RSPH14: variants seen among roughly 807,000 people sequenced by gnomAD.
RSPH14 encodes the protein radial spoke head 14 homolog.
Under a neutral mutation model 26.7 loss-of-function variants are expected in RSPH14, and 20 were observed. That is an observed-to-expected ratio of 0.75 (90% CI 0.53 to 1.09). The LOEUF is 1.09. RSPH14 is among the 50% of genes least tolerant of loss of function. RSPH14 has a pLI of 0.00. For missense variants in RSPH14, 449 were observed against 457.2 expected (o/e 0.98, Z 0.16); for synonymous variants, 177 against 189.3 (o/e 0.93, Z 0.53).
chr22:23,092,586 C>T (rs1199731007), intron 4 of RSPH14, among the ~76,000 whole-genome samples: 1 of 152,202 alleles, frequency 6.6e-6, no homozygotes, highest in Non-Finnish European at 1.5e-5. Flanking sequence ...GCCTCAGTTT[C>T]CCCTTTCCTT....
intron 4 of RSPH14, among the ~76,000 whole-genome samples, chr22:23,080,254 C>T (rs146681443): frequency 2.0e-5 from 3 of 152,334 alleles, no homozygotes; most frequent in African/African-American, 4.8e-5. Flanking sequence ...ACACTATCAC[C>T]CTTTGTCTGG....
chr22:23,152,634 C>A, the RSPH14 span: 1 of 1,109,468 alleles, frequency 9.0e-7, no homozygotes, highest in Non-Finnish European at 1.4e-6. Context: ...ATGTGGCTTC[C>A]AGGAACTGCT....
intron 3 of RSPH14, chr22:23,136,039 C>T (rs918171953): frequency 3.2e-5 from 11 of 342,206 alleles, no homozygotes; most frequent in Admixed American, 1.9e-4. Flanking sequence ...TGTTTTGAAT[C>T]GTCTGGAAAA....
chr22:23,154,979 G>A, the RSPH14 span, among the ~76,000 whole-genome samples: 1 of 152,224 alleles, frequency 6.6e-6, no homozygotes, highest in Admixed American at 6.5e-5. Context: ...TACAAAATTA[G>A]CCAGGCACAG....
Position 23,136,379 on chromosome 22 carries a change from G to C in RSPH14, c.303-2235C>G, listed in dbSNP as rs2070485009. 25 of 645,336 alleles carry C rather than the reference G, an allele frequency of 3.9e-5. 2 individuals carry two copies. In the South Asian group the frequency reaches 4.0e-4, roughly 10 times the overall value. 40.0% of individuals were successfully genotyped at this position (645,336 alleles called of 1,614,324 possible). Reference sequence around the variant, plus strand: ...CTGGGCAGTTCAGGGCAGCTACTTAGAGCTTGATGGGCTCTGAAAGCTATT... The same window carrying C: ...CTGGGCAGTTCAGGGCAGCTACTTACAGCTTGATGGGCTCTGAAAGCTATT... On this transcript the variant is annotated intron_variant, in intron 3 of 6. Coordinates refer to ENST00000216036, the MANE Select transcript of RSPH14 (RefSeq NM_014433.3).
chr22:23,060,241 GC>G (rs1569150745), intron 6 of RSPH14, among the ~76,000 whole-genome samples: 6 of 152,046 alleles, frequency 3.9e-5, no homozygotes, highest in Non-Finnish European at 8.8e-5. Context: ...GGAGGCCGAG[GC>G]TGGTGGATCA....
Position 23,099,502 on chromosome 22 carries a change from C to T in RSPH14, c.421+34524G>A, listed in dbSNP as rs181908039. ...CAGCAACACAAGGGGGTTTTTCTGG[C>T]GCACCTGTCCCCTGAATGATCCTGT... On this transcript the variant is annotated intron_variant, in intron 4 of 6. Coordinates refer to ENST00000216036, the MANE Select transcript of RSPH14 (RefSeq NM_014433.3). Among the ~76,000 whole-genome samples, 230 of 152,360 alleles carry T rather than the reference C, an allele frequency of 1.5e-3. 1 individual carries two copies. The highest frequency in any genetic ancestry group is 3.8e-3 in the African/African-American group (160 of 41,584).
the RSPH14 span, among the ~76,000 whole-genome samples, chr22:23,166,301 G>A: frequency 6.7e-6 from 1 of 149,500 alleles, no homozygotes; most frequent in Admixed American, 6.7e-5. Flanking sequence ...GAGTCAGTGT[G>A]GGAGGGGATT....
At chr22:23,174,635 C>T in the RSPH14 span, among the ~76,000 whole-genome samples, 3 of 151,256 alleles carry the variant, frequency 2.0e-5, no homozygotes, top group Admixed American at 6.6e-5. Context: ...ACTCCTTATG[C>T]GCAGTTTATG....
the RSPH14 span, chr22:23,156,048 C>T: frequency 3.7e-4 from 596 of 1,606,894 alleles, 4 homozygotes; most frequent in Middle Eastern, 0.012. Flanking sequence ...CAACATGCCA[C>T]GTCGGGGCTC....
chr22:23,121,790 C>T (rs181290380), intron 4 of RSPH14, among the ~76,000 whole-genome samples: 32 of 149,420 alleles, frequency 2.1e-4, no homozygotes, highest in African/African-American at 7.2e-4. Context: ...GGCATGATCT[C>T]GGCTCACTGC....
At chr22:23,103,902 C>T (rs2069379229) in intron 4 of RSPH14, among the ~76,000 whole-genome samples, 1 of 152,208 alleles carries the variant, frequency 6.6e-6, no homozygotes, top group Non-Finnish European at 1.5e-5. Context: ...ATGCTGGCCG[C>T]ATGCTCTCTG....
intron 4 of RSPH14, among the ~76,000 whole-genome samples, chr22:23,116,051 A>C (rs2069824269): frequency 6.6e-6 from 1 of 152,228 alleles, no homozygotes; most frequent in South Asian, 2.1e-4. Context: ...GCAAACAACA[A>C]AACAGTCAAA....
chr22:23,091,976 G>A (rs1207495807), intron 4 of RSPH14, among the ~76,000 whole-genome samples: 2 of 152,072 alleles, frequency 1.3e-5, no homozygotes, highest in Non-Finnish European at 2.9e-5. Context: ...GGGCCTTACA[G>A]CATGTTCCTC....
upstream of RSPH14, chr22:23,144,850 A>G (rs2070686641): frequency 6.5e-6 from 1 of 153,674 alleles, no homozygotes; most frequent in Admixed American, 6.5e-5. Flanking sequence ...CGGACTTCGA[A>G]GCTGGTTCCA....
chr22:23,152,562 C>T, the RSPH14 span: 3 of 1,597,396 alleles, frequency 1.9e-6, no homozygotes, highest in Non-Finnish European at 2.6e-6. Flanking sequence ...GCCACCTCCC[C>T]CAGCACCAGG....
Position 23,140,252 on chromosome 22 carries a change from G to A in RSPH14, c.169C>T (p.Pro57Ser). The change falls in exon 2 of 7, where the codon CCC (proline) becomes TCC (serine). Residue 57 changes from proline to serine, a missense_variant. By Grantham distance (74) the Pro-to-Ser change is moderately conservative. Coordinates refer to ENST00000216036, the MANE Select transcript of RSPH14 (RefSeq NM_014433.3). ...LMALCDLMHD[P>S]ECIYKAMNIG... is the part of the protein sequence containing the mutation. Reference sequence around the variant, plus strand: ...TTCATGGCCTTGTAGATACACTCGGGGTCATGCATGAGGTCACACAAGGCC... The same window carrying A: ...TTCATGGCCTTGTAGATACACTCGGAGTCATGCATGAGGTCACACAAGGCC... The A allele has an allele frequency of 6.2e-7, 1 of 1,614,034 alleles. No individual in the cohort carries two copies.
chr22:23,111,174 T>C (rs2069645751), intron 4 of RSPH14, among the ~76,000 whole-genome samples: 1 of 152,206 alleles, frequency 6.6e-6, no homozygotes, highest in Admixed American at 6.5e-5. Flanking sequence ...CCTCACTGTC[T>C]GCCTGGTTTT....
chr22:23,178,881 T>C, the RSPH14 span, among the ~76,000 whole-genome samples: 2 of 152,200 alleles, frequency 1.3e-5, no homozygotes, highest in Non-Finnish European at 2.9e-5. Flanking sequence ...AACAAAATCT[T>C]TGATGGTTCT....
Sources: gnomAD v4.1 joint callset for allele counts (sites outside exome capture counted in the v4.1 genomes callset) on GRCh38, gnomAD v4.1.1 for gene constraint, MANE v1.5 for transcripts, NCBI Gene and HGNC (gene_info 2026-07-23, HGNC 2026-07-21) for gene names.